GRID1: variants seen among roughly 807,000 people sequenced by gnomAD.
The protein encoded by GRID1 is glutamate receptor ionotropic, delta-1.
GRID1 carries 28 observed loss-of-function variants against 98.0 expected under a neutral mutation model. That is an observed-to-expected ratio of 0.29 (90% CI 0.21 to 0.39). The LOEUF is 0.39. Among genes scored for constraint, GRID1 ranks in the 10% least tolerant of loss-of-function variants. The probability of loss-of-function intolerance (pLI) is 1.00; values close to 1 mark genes in which losing one functional copy is unlikely to be tolerated. For missense variants in GRID1, 1,111 were observed against 1,340.5 expected (o/e 0.83, Z 2.67); for synonymous variants, 553 against 538.5 (o/e 1.03, Z -0.37).
chr10:85,987,584 C>T (rs951621573), intron 4 of GRID1, among the ~76,000 whole-genome samples: 2 of 147,100 alleles, frequency 1.4e-5, no homozygotes, highest in African/African-American at 5.1e-5. Flanking sequence ...CTCACCTCCC[C>T]TACAGCCTTA....
chr10:85,983,047 AACAC>A (rs1842565067), intron 4 of GRID1, among the ~76,000 whole-genome samples: 1 of 152,216 alleles, frequency 6.6e-6, no homozygotes, highest in Admixed American at 6.5e-5. Flanking sequence ...GGGGCCCAGA[AACAC>A]ACAAATTTCT....
chr10:85,736,206 A>T (rs1841881887), intron 8 of GRID1, among the ~76,000 whole-genome samples: 1 of 137,782 alleles, frequency 7.3e-6, no homozygotes, highest in Non-Finnish European at 1.6e-5. Flanking sequence ...GAAGGAAGGA[A>T]GCAAAGAAGG....
chr10:85,671,947 G>T (rs1841090463), intron 12 of GRID1, among the ~76,000 whole-genome samples: 1 of 152,214 alleles, frequency 6.6e-6, no homozygotes, highest in Non-Finnish European at 1.5e-5. Context: ...TTTAACGAAG[G>T]CTGAGAGAGG....
At chr10:85,716,151 C>G (rs1186025671) in intron 12 of GRID1, among the ~76,000 whole-genome samples, 1 of 152,076 alleles carries the variant, frequency 6.6e-6, no homozygotes, top group Admixed American at 6.6e-5. Flanking sequence ...AGGTGATTCA[C>G]CAGTCTCAGC....
intron 2 of GRID1, among the ~76,000 whole-genome samples, chr10:86,258,328 T>C (rs537989783): frequency 1.3e-5 from 2 of 152,230 alleles, no homozygotes; most frequent in East Asian, 3.9e-4. Flanking sequence ...TTGGAAGCTG[T>C]AAAAAACAAA....
intron 4 of GRID1, among the ~76,000 whole-genome samples, chr10:86,092,249 G>A (rs1450179985): frequency 6.6e-6 from 1 of 152,214 alleles, no homozygotes; most frequent in African/African-American, 2.4e-5. Context: ...TACAAGAAAT[G>A]AAGGGAGAAG....
At position 86,128,629 on chromosome 10, in the gene GRID1, C is replaced by T. The variant is rs771837956; in HGVS notation, c.726+10190G>A. Among the ~76,000 whole-genome samples the T allele has an allele frequency of 2.2e-4, 34 of 152,220 alleles. 1 individual carries two copies. Among genetic ancestry groups the T allele is most frequent in the South Asian group, 4.1e-4 (2 of 4,826 alleles). On this transcript the variant is annotated intron_variant, in intron 4 of 15. Coordinates refer to ENST00000327946, the MANE Select transcript of GRID1 (RefSeq NM_017551.3). ...AAGCATACACACGCCTGGTAACGGC[C>T]CACCAACCTTGCCACTTCTCTCCTA... is the stretch of plus-strand genomic sequence containing the variant.
intron 2 of GRID1, among the ~76,000 whole-genome samples, chr10:86,270,508 G>T (rs937537480): frequency 1.6e-4 from 25 of 152,132 alleles, no homozygotes; most frequent in African/African-American, 5.6e-4. Context: ...TGGCCAACAT[G>T]GTGCAGCCCT....
intron 2 of GRID1, among the ~76,000 whole-genome samples, chr10:86,277,036 G>A (rs1847281763): frequency 6.6e-6 from 1 of 152,278 alleles, no homozygotes; most frequent in East Asian, 1.9e-4. Context: ...CAGAAAGTAG[G>A]ATGGTGGTTT....
intron 3 of GRID1, among the ~76,000 whole-genome samples, 171 bp from the exon 4 acceptor site, chr10:86,139,195 C>G (rs1392635460): frequency 6.6e-6 from 1 of 152,194 alleles, no homozygotes; most frequent in African/African-American, 2.4e-5. Flanking sequence ...CCGGCGTAGA[C>G]CCAGCAGCGT....
intron 8 of GRID1, among the ~76,000 whole-genome samples, chr10:85,754,038 A>G (rs564297283): frequency 6.6e-6 from 1 of 152,208 alleles, no homozygotes; most frequent in African/African-American, 2.4e-5. Flanking sequence ...AAAAAAAACT[A>G]AAAAGAAATT....
intron 2 of GRID1, among the ~76,000 whole-genome samples, chr10:86,257,001 T>C (rs538040824): frequency 2.0e-5 from 3 of 152,346 alleles, no homozygotes; most frequent in Admixed American, 1.3e-4. Context: ...GGCCCAGGGA[T>C]AGTGCATCTC....
rs1003918123 is a variant in GRID1, at chr10:85,989,591, A to G, written c.727-73352T>C. Among the ~76,000 whole-genome samples, 29 of 152,196 alleles carry G rather than the reference A, an allele frequency of 1.9e-4. 1 individual carries two copies. Among genetic ancestry groups the G allele is most frequent in the Admixed American group, 1.8e-3 (27 of 15,278 alleles). The stretch of plus-strand genomic sequence containing the variant: ...AACCCTATTGTGAATTAAGCATGCG[A>G]CAGATCTAGGTTGTGCACTCATGAG... On this transcript the variant is annotated intron_variant, in intron 4 of 15. Transcript: ENST00000327946.
chr10:85,765,509 T>C (rs1842189309), intron 8 of GRID1, among the ~76,000 whole-genome samples: 1 of 152,228 alleles, frequency 6.6e-6, no homozygotes, highest in South Asian at 2.1e-4. Flanking sequence ...TGGAAAATTC[T>C]ATACCTGACC....
intron 2 of GRID1, among the ~76,000 whole-genome samples, chr10:86,262,489 C>T (rs1252464705): frequency 1.3e-5 from 2 of 152,328 alleles, no homozygotes; most frequent in Non-Finnish European, 2.9e-5. Context: ...TGGGTCCCCA[C>T]ACCCCACCAC....
chr10:86,238,668 C>CAA (rs931719950), intron 2 of GRID1, among the ~76,000 whole-genome samples: 3,327 of 45,768 alleles, frequency 0.073, 252 homozygotes, highest in African/African-American at 0.19. Context: ...GATTCCATCT[C>CAA]AAAAAAAAAA....
In GRID1 at chr10:85,982,129, C is replaced by G. The variant is rs371695450; in HGVS notation, c.727-65890G>C. Among the ~76,000 whole-genome samples the G allele has an allele frequency of 2.9e-3, 435 of 148,268 alleles. 4 individuals carry two copies. Among genetic ancestry groups the G allele is most frequent in the African/African-American group, 0.01 (421 of 40,100 alleles). ...GAGTCTGGGGAATGAAGTTGGAGAC[C>G]AGGACAGATGGAAAAATGGCCATTT... On this transcript the variant is annotated intron_variant, in intron 4 of 15. Coordinates refer to ENST00000327946, the MANE Select transcript of GRID1 (RefSeq NM_017551.3).
chr10:85,671,589 A>G (rs1228954725), intron 12 of GRID1, among the ~76,000 whole-genome samples: 2 of 152,040 alleles, frequency 1.3e-5, no homozygotes, highest in African/African-American at 2.4e-5. Flanking sequence ...CCCAACACAC[A>G]ACAATATTGA....
intron 12 of GRID1, among the ~76,000 whole-genome samples, chr10:85,718,943 T>C (rs1210799411): frequency 6.6e-6 from 1 of 152,232 alleles, no homozygotes; most frequent in Non-Finnish European, 1.5e-5. Context: ...TATGCTGTTT[T>C]CCTTTTAAAA....
Sources: allele counts gnomAD v4.1 joint callset (sites outside exome capture counted in the v4.1 genomes callset), GRCh38; gene constraint gnomAD v4.1.1; transcripts MANE v1.5; gene names NCBI Gene and HGNC (gene_info 2026-07-23, HGNC 2026-07-21).